The following PRSS21 variants were observed in gnomAD, a reference collection of about 807,000 sequenced individuals.
PRSS21 encodes the protein testisin.
PRSS21 carries 40 observed loss-of-function variants against 31.1 expected under a neutral mutation model. The ratio of observed to expected loss-of-function variants is 1.29; its 90% CI spans 1.00 to 1.68. The LOEUF is 1.68. Ranked by LOEUF, PRSS21 falls within the 40% of genes most tolerant of loss-of-function variation. PRSS21 has a pLI of 0.00. For missense variants in PRSS21, 467 were observed against 412.6 expected (o/e 1.13, Z -1.14); for synonymous variants, 186 against 167.7 (o/e 1.11, Z -0.84).
Position 2,817,886 on chromosome 16 carries a change from G to T in PRSS21, c.177G>T (p.Leu59=). Residue 59 remains leucine (L), a synonymous_variant, in exon 3 of 6, where the codon CTG becomes CTT. Transcript: ENST00000005995. The surrounding 1 kb of genome is among the most constrained non-coding windows in gnomAD (Gnocchi z 4.2). The stretch of plus-strand genomic sequence containing the variant: ...GGCGTTGGCCGTGGCAGGGGAGCCT[G>T]CGCCTGTGGGATTCCCACGTATGCG... The part of the protein sequence containing the change: ...ELGRWPWQGS[L]RLWDSHVCGV... 1 of 1,549,646 alleles carries T rather than the reference G, an allele frequency of 6.5e-7. No individual in the cohort carries two copies. The highest frequency in any genetic ancestry group is 8.7e-7 in the Non-Finnish European group (1 of 1,146,990).
chr16:2,817,698 G>C lies in PRSS21; in HGVS notation c.92-103G>C. 6.9e-7 allele frequency: 1 copy of C among 1,439,624 alleles called. No individual in the cohort carries two copies. Among genetic ancestry groups the C allele is most frequent in the Non-Finnish European group, 9.3e-7 (1 of 1,074,448 alleles). 89.2% of individuals were successfully genotyped at this position (1,439,624 alleles called of 1,614,324 possible). Reference sequence around the variant, plus strand: ...GCACACACGCGAGGGGACCCTGGGTGGGCAAAAACGTGCTTTCCCGGACGG... The same window carrying C: ...GCACACACGCGAGGGGACCCTGGGTCGGCAAAAACGTGCTTTCCCGGACGG... On this transcript the variant is annotated intron_variant, in intron 2 of 5. Transcript: ENST00000005995. The surrounding 1 kb of genome is among the most constrained non-coding windows in gnomAD (Gnocchi z 4.2).
In PRSS21 at chr16:2,817,882, G is replaced by A; in HGVS notation, c.173G>A (p.Ser58Asn). ...CTCGGGCGTTGGCCGTGGCAGGGGA[G>A]CCTGCGCCTGTGGGATTCCCACGTA... ...AELGRWPWQG[S>N]LRLWDSHVCG... is the part of the protein sequence containing the mutation. The change falls in exon 3 of 6, where the codon AGC becomes AAC. Residue 58 changes from serine (S) to asparagine (N), a missense_variant. Ser to Asn is a conservative substitution (Grantham distance 46, BLOSUM62 1). Coordinates refer to ENST00000005995, the MANE Select transcript of PRSS21 (RefSeq NM_006799.4). The surrounding 1 kb of genome is among the most constrained non-coding windows in gnomAD (Gnocchi z 4.2). 1 of 1,549,672 alleles carries A rather than the reference G, an allele frequency of 6.5e-7. No homozygotes were observed.
At chr16:2,819,036 A>C in intron 4 of PRSS21, 67 bp downstream of exon 4, 1 of 1,558,140 alleles carries the variant, frequency 6.4e-7, no homozygotes. Context: ...GCATAGGCAC[A>C]ATAGCCCCCT....
chr16:2,820,924 GTCTC>G, intron 4 of PRSS21, 27 bp from the exon 5 acceptor site: 1 of 1,608,004 alleles, frequency 6.2e-7, no homozygotes, highest in Non-Finnish European at 8.5e-7. Flanking sequence ...TCAGGTTGCT[GTCTC>G]TCTCCTTCCC....
chr16:2,817,622 C>G lies in PRSS21; in HGVS notation c.91+166C>G, dbSNP rs1038772222. The G allele has an allele frequency of 3.1e-6, 4 of 1,276,576 alleles. No homozygotes were observed. The highest frequency in any genetic ancestry group is 1.5e-5 in the African/African-American group (1 of 67,194). 79.1% of individuals were successfully genotyped at this position (1,276,576 alleles called of 1,614,324 possible). On this transcript the variant is annotated intron_variant, in intron 2 of 5. Coordinates refer to ENST00000005995, the MANE Select transcript of PRSS21 (RefSeq NM_006799.4). This position sits in a 1 kb window ranked among gnomAD's most constrained non-coding sequence, Gnocchi z 4.2. Reference sequence around the variant, plus strand: ...CTAACGGACGCTGGAGGGGGATGGGCGGGCCCTGCAGAGCACGTGGGAGGA... The same window carrying G: ...CTAACGGACGCTGGAGGGGGATGGGGGGGCCCTGCAGAGCACGTGGGAGGA...
chr16:2,817,508 A>AC lies in PRSS21; in HGVS notation c.91+53dup. 1.0e-6 allele frequency: 1 copy of AC among 957,322 alleles called. No homozygotes were observed. The highest frequency in any genetic ancestry group is 1.4e-6 in the Non-Finnish European group (1 of 709,732). 59.3% of individuals were successfully genotyped at this position (957,322 alleles called of 1,614,324 possible). ...TGCCAGGGCCGTTGGGCCGAGGTGGACGGGGGGCGGTGAGGGGGTAGAGGG... is the reference window on the plus strand; with the variant it reads ...TGCCAGGGCCGTTGGGCCGAGGTGGACCGGGGGGCGGTGAGGGGGTAGAGGG... On this transcript the variant is annotated intron_variant, in intron 2 of 5. Coordinates refer to ENST00000005995, the MANE Select transcript of PRSS21 (RefSeq NM_006799.4). This position sits in a 1 kb window ranked among gnomAD's most constrained non-coding sequence, Gnocchi z 4.2.
rs975281415 is a variant in PRSS21, at chr16:2,817,988, G to A, written c.257+22G>A. On this transcript the variant is annotated intron_variant, in intron 3 of 5. Coordinates refer to ENST00000005995, the MANE Select transcript of PRSS21 (RefSeq NM_006799.4). The surrounding 1 kb of genome is among the most constrained non-coding windows in gnomAD (Gnocchi z 4.2). ...AAACGTGAGTGGGGGTGCGAACGGAGGGGTGCGGGGACGGGCAGGAACAGG... is the reference window on the plus strand; with the variant it reads ...AAACGTGAGTGGGGGTGCGAACGGAAGGGTGCGGGGACGGGCAGGAACAGG... The A allele has an allele frequency of 6.5e-7, 1 of 1,541,686 alleles. No homozygotes were observed.
chr16:2,817,997 G>A lies in PRSS21; in HGVS notation c.257+31G>A. The A allele has an allele frequency of 2.6e-6, 4 of 1,535,608 alleles. No individual in the cohort carries two copies. The highest frequency in any genetic ancestry group is 1.2e-5 in the South Asian group (1 of 83,548). On this transcript the variant is annotated intron_variant, in intron 3 of 5. Coordinates refer to ENST00000005995, the MANE Select transcript of PRSS21 (RefSeq NM_006799.4). The surrounding 1 kb of genome is among the most constrained non-coding windows in gnomAD (Gnocchi z 4.2). ...TGGGGGTGCGAACGGAGGGGTGCGGGGACGGGCAGGAACAGGGCTGGAGGG... is the reference window on the plus strand; with the variant it reads ...TGGGGGTGCGAACGGAGGGGTGCGGAGACGGGCAGGAACAGGGCTGGAGGG...
At position 2,818,771 on chromosome 16, in the gene PRSS21, CGT is replaced by C; in HGVS notation, c.353_354del (p.Arg118LeufsTer19). On this transcript the variant is annotated frameshift_variant, in exon 4 of 6. Coordinates refer to ENST00000005995, the MANE Select transcript of PRSS21 (RefSeq NM_006799.4). LOFTEE classifies it high-confidence loss of function. ...CTGGAGCCTGCAGGCCTACTACACCCGTTACTTCGTATCGAATATCTATCTGA... is the reference window on the plus strand; with the variant it reads ...CTGGAGCCTGCAGGCCTACTACACCCTACTTCGTATCGAATATCTATCTGA... ...SFWSLQAYYT[R>X]YFVSNIYLSP... is the part of the protein sequence containing the mutation. 3 of 1,613,588 alleles carry C rather than the reference CGT, an allele frequency of 1.9e-6. No homozygotes were observed. The Admixed American group carries it at 5.0e-5, about 27-fold the overall frequency.
At chr16:2,819,026 G>T (rs999296009) in intron 4 of PRSS21, 57 bp downstream of exon 4, 38 of 1,582,586 alleles carry the variant, frequency 2.4e-5, no homozygotes, top group Non-Finnish European at 2.8e-5. Context: ...CTGTTCCCCT[G>T]CATAGGCACA....
rs1212714453 is a variant in PRSS21 at position 2,817,808 on chromosome 16, C to T, written c.99C>T (p.Cys33=). 1.3e-6 allele frequency: 2 copies of T among 1,549,674 alleles called. No individual in the cohort carries two copies. Among genetic ancestry groups the T allele is most frequent in the Non-Finnish European group, 1.7e-6 (2 of 1,146,848 alleles). Residue 33 remains cysteine (C), a synonymous_variant, in exon 3 of 6, where the codon TGC becomes TGT. Coordinates refer to ENST00000005995, the MANE Select transcript of PRSS21 (RefSeq NM_006799.4). This position sits in a 1 kb window ranked among gnomAD's most constrained non-coding sequence, Gnocchi z 4.2. ...SQEAAPLSGP[C]GRRVITSRIV... ...TTCCTCTGACCATCCGAGGACCATG[C>T]GGCCGACGGGTCATCACGTCGCGCA...
In PRSS21 at chr16:2,818,804, C is replaced by T. The variant is rs758722702; in HGVS notation, c.385C>T (p.Arg129Cys). ...CGTATCGAATATCTATCTGAGCCCT[C>T]GCTACCTGGGGAATTCACCCTATGA... ...YFVSNIYLSP[R>C]YLGNSPYDIA... is the part of the protein sequence containing the mutation. Residue 129 changes from arginine to cysteine, a missense_variant, in exon 4 of 6, where the codon CGC (arginine) becomes TGC (cysteine). Physicochemically the swap from Arg to Cys is radical, Grantham distance 180. Transcript: ENST00000005995. The T allele has an allele frequency of 8.7e-6, 14 of 1,613,594 alleles. No homozygotes were observed. The highest frequency in any genetic ancestry group is 1.7e-5 in the Admixed American group (1 of 60,006).
chr16:2,818,979 G>A lies in PRSS21; in HGVS notation c.550+10G>A, dbSNP rs766427234. The A allele has an allele frequency of 6.2e-7, 1 of 1,612,584 alleles. No individual in the cohort carries two copies. Among genetic ancestry groups the A allele is most frequent in the Non-Finnish European group, 8.5e-7 (1 of 1,178,830 alleles). ...ATCAAAGAGGATGAGGGTGAGGCTG[G>A]GGACAGGCGGGTCAGGGAGGAACTG... On this transcript the variant is annotated intron_variant, in intron 4 of 5. Transcript: ENST00000005995.
Position 2,821,554 on chromosome 16 carries a change from G to GCCA in PRSS21, c.895_896insCAC (p.Pro298dup). ...TGTCCCAGCCAGACCCCTCCTGGCC[G>GCCA]CTACTCTTTTTCCCTCTTCTCTGGG... is the stretch of plus-strand genomic sequence containing the variant. On this transcript the variant is annotated inframe_insertion, in exon 6 of 6. Coordinates refer to ENST00000005995, the MANE Select transcript of PRSS21 (RefSeq NM_006799.4). 1.9e-6 allele frequency: 3 copies of GCCA among 1,613,944 alleles called. No homozygotes were observed. Among genetic ancestry groups the GCCA allele is most frequent in the Non-Finnish European group, 2.5e-6 (3 of 1,179,958 alleles).
In PRSS21 at chr16:2,818,831, A is replaced by G. The variant is rs1419731335; in HGVS notation, c.412A>G (p.Ile138Val). 3 of 1,613,628 alleles carry G rather than the reference A, an allele frequency of 1.9e-6. No individual in the cohort carries two copies. Among genetic ancestry groups the G allele is most frequent in the East Asian group, 4.5e-5 (2 of 44,892 alleles). ...CTACCTGGGGAATTCACCCTATGAC[A>G]TTGCCTTGGTGAAGCTGTCTGCACC... ...PRYLGNSPYD[I>V]ALVKLSAPVT... The change falls in exon 4 of 6, where the codon ATT becomes GTT. Residue 138 changes from isoleucine (I) to valine (V), a missense_variant. Transcript: ENST00000005995.
rs535723901 is a variant in PRSS21, at chr16:2,821,544, C to T, written c.884C>T (p.Pro295Leu). Residue 295 changes from proline (P) to leucine (L), a missense_variant, in exon 6 of 6, where the codon CCC (proline) becomes CTC (leucine). Coordinates refer to ENST00000005995, the MANE Select transcript of PRSS21 (RefSeq NM_006799.4). Reference sequence around the variant, plus strand: ...CAGAGTGGCATGTCCCAGCCAGACCCCTCCTGGCCGCTACTCTTTTTCCCT... The same window carrying T: ...CAGAGTGGCATGTCCCAGCCAGACCTCTCCTGGCCGCTACTCTTTTTCCCT... ...MAQSGMSQPD[P>L]SWPLLFFPLL... 1.4e-5 allele frequency: 22 copies of T among 1,614,236 alleles called. No homozygotes were observed. The African/African-American group carries it at 2.0e-4, about 15-fold the overall frequency.
chr16:2,818,605 C>G, intron 3 of PRSS21, 72 bp from the exon 4 acceptor site: 1 of 1,471,836 alleles, frequency 6.8e-7, no homozygotes, highest in Non-Finnish European at 9.4e-7. Flanking sequence ...CCCTCCTGCA[C>G]TGGACCCCAG....
Position 2,818,965 on chromosome 16 carries a change from T to G in PRSS21, c.546T>G (p.Asp182Glu). Reference protein sequence around the residue: ...WVTGWGYIKEDEALPSPHTLQ... With the variant: ...WVTGWGYIKEEEALPSPHTLQ... Reference sequence around the variant, plus strand: ...CTGGCTGGGGGTACATCAAAGAGGATGAGGGTGAGGCTGGGGACAGGCGGG... The same window carrying G: ...CTGGCTGGGGGTACATCAAAGAGGAGGAGGGTGAGGCTGGGGACAGGCGGG... The change falls in exon 4 of 6, where the codon GAT becomes GAG. Residue 182 changes from aspartate (D) to glutamate (E), a missense_variant. Coordinates refer to ENST00000005995, the MANE Select transcript of PRSS21 (RefSeq NM_006799.4). 6.2e-7 allele frequency: 1 copy of G among 1,613,832 alleles called. No homozygotes were observed. Among genetic ancestry groups the G allele is most frequent in the Non-Finnish European group, 8.5e-7 (1 of 1,179,772 alleles).
chr16:2,817,999 A>G lies in PRSS21; in HGVS notation c.257+33A>G, dbSNP rs1436383276. 2 of 1,533,454 alleles carry G rather than the reference A, an allele frequency of 1.3e-6. No homozygotes were observed. Among genetic ancestry groups the G allele is most frequent in the Admixed American group, 3.9e-5 (2 of 50,718 alleles). The allele number at this position is 1,533,454 out of a possible 1,614,324, so 95.0% of individuals were successfully genotyped here. A position where few individuals can be genotyped will look rare whatever the true frequency, so the allele number is the denominator to read the frequency against. On this transcript the variant is annotated intron_variant, in intron 3 of 5. Transcript: ENST00000005995. This position sits in a 1 kb window ranked among gnomAD's most constrained non-coding sequence, Gnocchi z 4.2. ...GGGGTGCGAACGGAGGGGTGCGGGG[A>G]CGGGCAGGAACAGGGCTGGAGGGAG...
Sources: allele counts gnomAD v4.1 joint callset, GRCh38; gene constraint gnomAD v4.1.1; non-coding constraint Gnocchi (gnomAD v3.1); transcripts MANE v1.5; gene names NCBI Gene and HGNC (gene_info 2026-07-23, HGNC 2026-07-21).